Variants in CACNA1C observed in about 807,000 individuals in gnomAD.
CACNA1C encodes calcium voltage-gated channel subunit alpha1 C.
In CACNA1C, 30 loss-of-function variants were observed where a neutral mutation model predicts 229.0. That is an observed-to-expected ratio of 0.13 (90% CI 0.10 to 0.18). CACNA1C has a LOEUF of 0.18. CACNA1C is among the 10% of genes least tolerant of loss of function. The pLI, the probability that CACNA1C is intolerant of heterozygous loss-of-function variation, is 1.00. For missense variants in CACNA1C, 1,658 were observed against 2,845.0 expected (o/e 0.58, Z 9.49); for synonymous variants, 1,114 against 1,132.5 (o/e 0.98, Z 0.33).
At chr12:2,164,775 T>G (rs2096121960) in intron 3 of CACNA1C, among the ~76,000 whole-genome samples, 1 of 152,228 alleles carries the variant, frequency 6.6e-6, no homozygotes, top group Non-Finnish European at 1.5e-5. Flanking sequence ...AAGTACCACT[T>G]TCTTTTCAGA....
rs1482282718 is a variant in CACNA1C, at chr12:2,438,066, A to G, written c.478-10910A>G. Reference sequence around the variant, plus strand: ...GGTGGTGGTAATGATGGTGGTGATGATGGTAGTGATGGTGGTAATGGTGGT... The same window carrying G: ...GGTGGTGGTAATGATGGTGGTGATGGTGGTAGTGATGGTGGTAATGGTGGT... On this transcript the variant is annotated intron_variant, in intron 3 of 46. Coordinates refer to ENST00000399655, the MANE Select transcript of CACNA1C (RefSeq NM_000719.7). 1.4e-3 allele frequency among the ~76,000 whole-genome samples: 184 copies of G among 127,072 alleles called. 3 individuals carry two copies. Among genetic ancestry groups the G allele is most frequent in the East Asian group, 0.01 (38 of 3,732 alleles). The allele number at this position is 127,072 out of a possible 152,430, so 83.4% of individuals were successfully genotyped here. A position where few individuals can be genotyped will look rare whatever the true frequency, so the allele number is the denominator to read the frequency against.
chr12:2,604,499 C>T (rs1057281720), intron 22 of CACNA1C, among the ~76,000 whole-genome samples: 9 of 151,622 alleles, frequency 5.9e-5, no homozygotes, highest in African/African-American at 1.7e-4. Context: ...CCACAAGGCC[C>T]GAGATCCCAC....
intron 3 of CACNA1C, among the ~76,000 whole-genome samples, chr12:2,154,729 C>T (rs1295460333): frequency 6.6e-6 from 1 of 152,208 alleles, no homozygotes; most frequent in African/African-American, 2.4e-5. Context: ...TACGCTGCCT[C>T]CTTCCTTCTC....
chr12:2,629,733 G>A (rs990477002), intron 29 of CACNA1C, among the ~76,000 whole-genome samples: 17 of 152,312 alleles, frequency 1.1e-4, no homozygotes, highest in Admixed American at 2.6e-4. Context: ...GCCAAATCAG[G>A]GCATGGACAA....
At chr12:2,237,488 AACTAAGATGCAGTAGCCTGGCCAC>A (rs2067888800) in intron 3 of CACNA1C, among the ~76,000 whole-genome samples, 1 of 152,234 alleles carries the variant, frequency 6.6e-6, no homozygotes, top group Non-Finnish European at 1.5e-5. Context: ...GGAAGTAATG[AACTAAGATGCAGTAGCCTGGCCAC>A]GTGATGTCTT....
chr12:2,002,762 T>C (rs2042467466), intron 1 of CACNA1C, among the ~76,000 whole-genome samples: 1 of 152,166 alleles, frequency 6.6e-6, no homozygotes, highest in Admixed American at 6.5e-5. Context: ...GATTATAACA[T>C]TATACCTTTA....
chr12:2,635,219 C>T (rs981008785), intron 30 of CACNA1C, among the ~76,000 whole-genome samples: 1 of 152,148 alleles, frequency 6.6e-6, no homozygotes, highest in African/African-American at 2.4e-5. Context: ...CAGACAGCAC[C>T]CCAGCCTCTG....
intron 1 of CACNA1C, among the ~76,000 whole-genome samples, chr12:2,043,935 G>A (rs887128221): frequency 2.6e-5 from 4 of 151,996 alleles, no homozygotes; most frequent in East Asian, 3.9e-4. Context: ...GATTACAGGC[G>A]TGAGCCACCG....
At chr12:2,684,252 A>G (rs1239108170) in intron 43 of CACNA1C, among the ~76,000 whole-genome samples, 2 of 152,210 alleles carry the variant, frequency 1.3e-5, no homozygotes, top group Non-Finnish European at 2.9e-5. Context: ...AGTCCCAACC[A>G]GCGGCACTTG....
intron 3 of CACNA1C, among the ~76,000 whole-genome samples, chr12:2,418,314 G>A (rs1308616087): frequency 2.0e-5 from 3 of 152,318 alleles, no homozygotes; most frequent in African/African-American, 4.8e-5. Context: ...TACAACAGGT[G>A]CAAGTTCAGA....
chr12:2,573,858 G>A (rs192408298), intron 13 of CACNA1C, among the ~76,000 whole-genome samples: 3 of 152,184 alleles, frequency 2.0e-5, no homozygotes, highest in Non-Finnish European at 2.9e-5. Flanking sequence ...GGTGAGATCC[G>A]GGTGGACTTA....
chr12:2,007,213 A>G (rs2043620727), intron 1 of CACNA1C, among the ~76,000 whole-genome samples: 1 of 152,218 alleles, frequency 6.6e-6, no homozygotes, highest in African/African-American at 2.4e-5. Flanking sequence ...TCGTACATAT[A>G]ATGAGGCATT....
Position 2,633,304 on chromosome 12 carries a change from C to T in CACNA1C, c.3829-993C>T, listed in dbSNP as rs1051822091. Among the ~76,000 whole-genome samples the T allele has an allele frequency of 6.6e-6, 1 of 152,184 alleles. No homozygotes were observed. Among genetic ancestry groups the T allele is most frequent in the Non-Finnish European group, 1.5e-5 (1 of 68,028 alleles). ...ATAGTAGCCACATCCTGCCGCCTGG[C>T]GATTTGCACCACCCACGCCCCCCAC... is the stretch of plus-strand genomic sequence containing the variant. On this transcript the variant is annotated intron_variant, in intron 29 of 46. Coordinates refer to ENST00000399655, the MANE Select transcript of CACNA1C (RefSeq NM_000719.7). This position sits in a 1 kb window ranked among gnomAD's most constrained non-coding sequence, Gnocchi z 5.8.
intron 3 of CACNA1C, among the ~76,000 whole-genome samples, chr12:2,296,679 G>A (rs2094071293): frequency 6.6e-6 from 1 of 152,218 alleles, no homozygotes; most frequent in South Asian, 2.1e-4. Flanking sequence ...GAGCCAAGGA[G>A]TGAGGATAAG....
intron 3 of CACNA1C, among the ~76,000 whole-genome samples, chr12:2,367,346 G>A (rs1043638578): frequency 6.6e-6 from 1 of 152,180 alleles, no homozygotes; most frequent in Admixed American, 6.5e-5. Flanking sequence ...ACAGGTCATG[G>A]ACCGGTACCG....
At chr12:2,012,832 A>C (rs1834171317) in intron 1 of CACNA1C, among the ~76,000 whole-genome samples, 1 of 152,220 alleles carries the variant, frequency 6.6e-6, no homozygotes, top group Non-Finnish European at 1.5e-5. Context: ...TCCAGGACAC[A>C]ATAAGAGCTT....
chr12:2,184,366 A>G lies in CACNA1C; in HGVS notation c.477+63936A>G, dbSNP rs2096934130. On this transcript the variant is annotated intron_variant, in intron 3 of 46. Coordinates refer to ENST00000399655, the MANE Select transcript of CACNA1C (RefSeq NM_000719.7). The stretch of plus-strand genomic sequence containing the variant: ...TCCCGACCATACCCTTGTGTTTACC[A>G]CTACAGGGACAGAGGTTCACAGCTG... 3.3e-5 allele frequency among the ~76,000 whole-genome samples: 5 copies of G among 152,200 alleles called. 1 individual carries two copies. The highest frequency in any genetic ancestry group is 2.6e-4 in the Admixed American group (4 of 15,280).
intron 1 of CACNA1C, among the ~76,000 whole-genome samples, chr12:2,036,775 A>G (rs1437465376): frequency 6.6e-6 from 1 of 152,116 alleles, no homozygotes; most frequent in Non-Finnish European, 1.5e-5. Flanking sequence ...CCCCTTTCCT[A>G]TCTTTAAAAA....
At chr12:2,685,587 G>A (rs1392184727) in intron 43 of CACNA1C, 149 bp from the exon 44 acceptor site, 40 of 646,682 alleles carry the variant, frequency 6.2e-5, no homozygotes, top group Non-Finnish European at 1.1e-4. Context: ...AACTTCTTGG[G>A]GTGGCAATTC....
Sources: gnomAD v4.1 joint callset for allele counts (sites outside exome capture counted in the v4.1 genomes callset) on GRCh38, gnomAD v4.1.1 for gene constraint, Gnocchi (gnomAD v3.1) non-coding constraint, MANE v1.5 for transcripts, NCBI Gene and HGNC (gene_info 2026-07-23, HGNC 2026-07-21) for gene names.